ADRA1A: variants seen among roughly 807,000 people sequenced by gnomAD.
The protein encoded by ADRA1A is adrenoceptor alpha 1A.
ADRA1A carries 31 observed loss-of-function variants against 29.6 expected under a neutral mutation model. The observed-to-expected ratio is 1.05, with a 90% CI of 0.79 to 1.41. The LOEUF is 1.41. Ranked by LOEUF, ADRA1A falls within the 40% of genes most tolerant of loss-of-function variation. ADRA1A has a pLI of 0.00. For synonymous variants in ADRA1A, 311 were observed against 254.3 expected, an observed-to-expected ratio of 1.22 and a Z score of -2.12; for missense variants, 619 against 601.1, an observed-to-expected ratio of 1.03 and a Z score of -0.31.
At chr8:26,764,340 G>A (rs888556272), downstream of ADRA1A, among the ~76,000 whole-genome samples, 3 of 152,204 alleles carry the variant, frequency 2.0e-5, no homozygotes, top group Admixed American at 1.3e-4. Context: ...CATCTAGGGA[G>A]AAACAACAGA....
chr8:26,783,727 T>C (rs1156543424), intron 2 of ADRA1A, among the ~76,000 whole-genome samples: 1 of 152,224 alleles, frequency 6.6e-6, no homozygotes, highest in Non-Finnish European at 1.5e-5. Context: ...GATACATGCG[T>C]GTGTATGTTC....
Position 26,848,124 on chromosome 8 carries a change from G to A in ADRA1A, c.883+15963C>T, listed in dbSNP as rs577630102. Among the ~76,000 whole-genome samples, 40 of 152,304 alleles carry A rather than the reference G, an allele frequency of 2.6e-4. No homozygotes were observed. Among genetic ancestry groups the A allele is most frequent in the African/African-American group, 9.6e-4 (40 of 41,560 alleles). On this transcript the variant is annotated intron_variant, in intron 2 of 2. Coordinates refer to ENST00000380573, the MANE Select transcript of ADRA1A (RefSeq NM_000680.4). This position sits in a 1 kb window ranked among gnomAD's most constrained non-coding sequence, Gnocchi z 4.3. The stretch of plus-strand genomic sequence containing the variant: ...ACAGGCCCCTTTCCTCTGTTACAGG[G>A]AAGGCAGCCAGGCAGCTCCTGCAAG...
intron 2 of ADRA1A, among the ~76,000 whole-genome samples, chr8:26,858,627 T>C (rs1813212703): frequency 6.6e-6 from 1 of 152,200 alleles, no homozygotes; most frequent in African/African-American, 2.4e-5. Flanking sequence ...ACAAAGATGA[T>C]TCATAGGCTT....
At position 26,838,443 on chromosome 8, in the gene ADRA1A, TA is replaced by T. The variant is rs528871807; in HGVS notation, c.883+25643del. ...TAACTGGAATCTCTATGCTCTCCAA[TA>T]ATGCAGGACTTGACTTTGAGTCTCT... On this transcript the variant is annotated intron_variant, in intron 2 of 2. Transcript: ENST00000380573. Among the ~76,000 whole-genome samples the T allele has an allele frequency of 1.1e-4, 16 of 152,302 alleles. 1 individual carries two copies. The South Asian group carries it at 3.1e-3, about 30-fold the overall frequency.
At chr8:26,802,012 GA>G (rs1184069035) in intron 2 of ADRA1A, among the ~76,000 whole-genome samples, 4 of 152,286 alleles carry the variant, frequency 2.6e-5, no homozygotes, top group African/African-American at 9.6e-5. Flanking sequence ...TCTCGTCAGT[GA>G]ATGGTGCTGG....
chr8:26,855,716 T>C (rs987213168), intron 2 of ADRA1A, among the ~76,000 whole-genome samples: 3 of 152,086 alleles, frequency 2.0e-5, no homozygotes, highest in African/African-American at 7.2e-5. Flanking sequence ...CTGCATATTC[T>C]GCACTTGTAT....
chr8:26,866,908 T>C lies in ADRA1A; in HGVS notation c.-687+28A>G. 1 of 985,404 alleles carries C rather than the reference T, an allele frequency of 1.0e-6. No homozygotes were observed. The allele number at this position is 985,404 out of a possible 1,614,324, so 61.0% of individuals were successfully genotyped here. A position where few individuals can be genotyped will look rare whatever the true frequency, so the allele number is the denominator to read the frequency against. On this transcript the variant is annotated intron_variant, in intron 1 of 2. Coordinates refer to ENST00000380573, the MANE Select transcript of ADRA1A (RefSeq NM_000680.4). This position sits in a 1 kb window ranked among gnomAD's most constrained non-coding sequence, Gnocchi z 5.7. ...AGGTCTGCCCTCACCCACTCGGCCC[T>C]GCGGGACGCCGGCCCCGGCGCACTC...
In ADRA1A at chr8:26,841,504, G is replaced by GA. The variant is rs1266850557; in HGVS notation, c.883+22582dup. On this transcript the variant is annotated intron_variant, in intron 2 of 2. Coordinates refer to ENST00000380573, the MANE Select transcript of ADRA1A (RefSeq NM_000680.4). The surrounding 1 kb of genome is among the most constrained non-coding windows in gnomAD (Gnocchi z 4.4). ...TTCTGTACTCATTTTTCTTTTCTTG[G>GA]AAAAAAACAAAAACAAAATTGGACC... Among the ~76,000 whole-genome samples the GA allele has an allele frequency of 2.0e-5, 3 of 151,890 alleles. No individual in the cohort carries two copies. Among genetic ancestry groups the GA allele is most frequent in the African/African-American group, 7.3e-5 (3 of 41,344 alleles).
intron 2 of ADRA1A, among the ~76,000 whole-genome samples, chr8:26,773,127 A>G (rs910262296): frequency 1.4e-4 from 22 of 152,202 alleles, no homozygotes; most frequent in Non-Finnish European, 1.9e-4. Context: ...GAGTAGCTCA[A>G]CCGAGGTCAC....
intron 2 of ADRA1A, among the ~76,000 whole-genome samples, chr8:26,795,122 C>T (rs1253687622): frequency 6.6e-6 from 1 of 152,050 alleles, no homozygotes; most frequent in Non-Finnish European, 1.5e-5. Context: ...CTAAAAAGGA[C>T]CAAGACTTCC....
downstream of ADRA1A, among the ~76,000 whole-genome samples, chr8:26,760,919 C>G (rs1805475447): frequency 6.6e-6 from 1 of 152,174 alleles, no homozygotes; most frequent in African/African-American, 2.4e-5. Flanking sequence ...GGTGGATCTT[C>G]TGATGTTTCC....
chr8:26,776,225 A>G (rs1385106738), intron 2 of ADRA1A, among the ~76,000 whole-genome samples: 1 of 152,310 alleles, frequency 6.6e-6, no homozygotes, highest in African/African-American at 2.4e-5. Flanking sequence ...TCGAATTCCT[A>G]TCCAGCACTG....
intron 2 of ADRA1A, among the ~76,000 whole-genome samples, chr8:26,857,715 C>A (rs1362917963): frequency 6.6e-6 from 1 of 152,026 alleles, no homozygotes; most frequent in Non-Finnish European, 1.5e-5. Context: ...TTCTTCACAC[C>A]ATTATCTCTA....
chr8:26,850,532 G>A (rs1812553241), intron 2 of ADRA1A, among the ~76,000 whole-genome samples: 1 of 152,234 alleles, frequency 6.6e-6, no homozygotes, highest in Non-Finnish European at 1.5e-5. Context: ...GTGTTGCTCT[G>A]TTGCCCAGGA....
chr8:26,755,194 CTTT>C (rs34376542), downstream of ADRA1A, among the ~76,000 whole-genome samples: 1 of 145,570 alleles, frequency 6.9e-6, no homozygotes, highest in African/African-American at 2.5e-5. Flanking sequence ...AATAGACCTC[CTTT>C]TTTTTTTTTT....
At chr8:26,835,477 A>T (rs1292943387) in intron 2 of ADRA1A, among the ~76,000 whole-genome samples, 1 of 152,200 alleles carries the variant, frequency 6.6e-6, no homozygotes, top group East Asian at 1.9e-4. Context: ...TTATGCTGAA[A>T]GGGGAAGCAA....
chr8:26,833,250 C>T (rs1438128608), intron 2 of ADRA1A, among the ~76,000 whole-genome samples: 2 of 152,188 alleles, frequency 1.3e-5, no homozygotes, highest in Non-Finnish European at 2.9e-5. Flanking sequence ...TGACACTGGC[C>T]GGATGATTTC....
intron 2 of ADRA1A, among the ~76,000 whole-genome samples, chr8:26,836,487 A>G (rs990078778): frequency 1.3e-5 from 2 of 152,250 alleles, no homozygotes. Flanking sequence ...CTGAACAATG[A>G]TGATGTTCTT....
At chr8:26,844,666 T>C (rs1342499871) in intron 2 of ADRA1A, among the ~76,000 whole-genome samples, 1 of 152,128 alleles carries the variant, frequency 6.6e-6, no homozygotes, top group African/African-American at 2.4e-5. Flanking sequence ...GCTTGGACAA[T>C]TGGATTTCTA....
Sources: gnomAD v4.1 joint callset for allele counts (sites outside exome capture counted in the v4.1 genomes callset) on GRCh38, gnomAD v4.1.1 for gene constraint, Gnocchi (gnomAD v3.1) non-coding constraint, MANE v1.5 for transcripts, NCBI Gene and HGNC (gene_info 2026-07-23, HGNC 2026-07-21) for gene names.